The following ACTN3 variants were observed in gnomAD, a reference collection of about 807,000 sequenced individuals.
ACTN3 encodes the protein alpha-actinin-3.
ACTN3 carries 91 observed loss-of-function variants against 119.6 expected under a neutral mutation model. The ratio of observed to expected loss-of-function variants is 0.76; its 90% confidence interval spans 0.64 to 0.91. ACTN3 has a LOEUF of 0.91. Among genes scored for constraint, ACTN3 ranks in the 40% least tolerant of loss-of-function variants. ACTN3 has a pLI of 0.00. For missense variants in ACTN3, 1,221 were observed against 1,215.1 expected (o/e 1.00, Z -0.07); for synonymous variants, 456 against 478.8 (o/e 0.95, Z 0.62).
At chr11:66,559,842 C>A in intron 12 of ACTN3, 126 bp from the exon 13 acceptor site, 1 of 962,244 alleles carries the variant, frequency 1.0e-6, no homozygotes, top group Non-Finnish European at 1.6e-6. Flanking sequence ...CCCAGCTTTA[C>A]CCACCACCTG....
At chr11:66,562,616 T>C in intron 19 of ACTN3, 180 bp from the exon 20 acceptor site, 1 of 279,682 alleles carries the variant, frequency 3.6e-6, no homozygotes, top group Non-Finnish European at 5.4e-6. Context: ...GTGGGTAGGA[T>C]GCAGATTTCA....
intron 2 of ACTN3, 37 bp from the exon 3 acceptor site, chr11:66,551,491 A>T: frequency 6.2e-7 from 1 of 1,605,046 alleles, no homozygotes; most frequent in Non-Finnish European, 8.5e-7. Flanking sequence ...GCTGCCTCTC[A>T]TGACCTTTGG....
rs762487347 is a variant in ACTN3, at chr11:66,551,344, G to A, written c.253G>A (p.Val85Ile). 4.7e-5 allele frequency: 75 copies of A among 1,603,944 alleles called. No homozygotes were observed. Among genetic ancestry groups the A allele is most frequent in the Middle Eastern group, 1.6e-4 (1 of 6,070 alleles). The change falls in exon 2 of 21, where the codon GTC becomes ATC. Residue 85 changes from valine (V) to isoleucine (I), a missense_variant. Around this residue, in one of 3 missense-constraint regions of ACTN3, gnomAD observed 239 missense variants for 231.8 expected, o/e 1.03. Coordinates refer to ENST00000513398, the MANE Select transcript of ACTN3 (RefSeq NM_001104.4). ...CCTCAAACTCATGCTGCTCCTGGAG[G>A]TCATTTCAGGTGAGGATGGCAAATC... ...NGLKLMLLLEVISGERLPRPD... is the reference protein window; with the variant it reads ...NGLKLMLLLEIISGERLPRPD...
In ACTN3 at chr11:66,561,321, A is replaced by G. The variant is rs1857756431; in HGVS notation, c.1955A>G (p.Gln652Arg). 1.9e-6 allele frequency: 3 copies of G among 1,611,760 alleles called. No homozygotes were observed. Among genetic ancestry groups the G allele is most frequent in the Non-Finnish European group, 2.5e-6 (3 of 1,179,266 alleles). Residue 652 changes from glutamine (Q) to arginine (R), a missense_variant, in exon 16 of 21, where the codon CAG becomes CGG. Transcript: ENST00000513398. ...AGGCTCCGGCGACAGTTTGCGGCCC[A>G]GGCCAATGCCATTGGACCCTGGATC... ...NERLRRQFAA[Q>R]ANAIGPWIQA... is the part of the protein sequence containing the mutation.
At chr11:66,548,724 A>G (rs1159076662) in intron 1 of ACTN3, among the ~76,000 whole-genome samples, 5 of 152,126 alleles carry the variant, frequency 3.3e-5, no homozygotes, top group Middle Eastern at 6.8e-3. Context: ...ACAGTCTTGG[A>G]GCAGCACGCT....
chr11:66,552,606 C>T (rs1231221402), intron 3 of ACTN3, among the ~76,000 whole-genome samples: 5 of 151,878 alleles, frequency 3.3e-5, no homozygotes, highest in South Asian at 2.1e-4. Context: ...CCTGTATTCT[C>T]GCACTTTGGG....
At position 66,562,138 on chromosome 11, in the gene ACTN3, G is replaced by C. The variant is rs1857790629; in HGVS notation, c.2292G>C (p.Glu764Asp). The C allele has an allele frequency of 1.2e-6, 2 of 1,614,098 alleles. No homozygotes were observed. The highest frequency in any genetic ancestry group is 1.3e-5 in the African/African-American group (1 of 75,054). ...GACTGAGCCAGGAGCAGCTCAACGA[G>C]TTCCGAGCATCCTTCAACCACTTTG... ...AKGLSQEQLNEFRASFNHFDR... is the reference protein window; with the variant it reads ...AKGLSQEQLNDFRASFNHFDR... Residue 764 changes from glutamate to aspartate, a missense_variant, in exon 18 of 21, where the codon GAG (glutamate) becomes GAC (aspartate). Physicochemically the swap from Glu to Asp is conservative, Grantham distance 45. This residue lies in a region of ACTN3 where 934 missense variants were observed against 899.9 expected (regional missense o/e 1.04). Coordinates refer to ENST00000513398, the MANE Select transcript of ACTN3 (RefSeq NM_001104.4).
chr11:66,548,893 C>T (rs1417803933), intron 1 of ACTN3, among the ~76,000 whole-genome samples: 2 of 152,232 alleles, frequency 1.3e-5, no homozygotes, highest in Admixed American at 6.5e-5. Flanking sequence ...CACCCTTCCT[C>T]TCTTGCCCTG....
chr11:66,551,032 A>G (rs924317907), intron 1 of ACTN3: 1 of 671,988 alleles, frequency 1.5e-6, no homozygotes, highest in Admixed American at 2.0e-5. Context: ...TGGGTCACAG[A>G]CCCCATTTCT....
chr11:66,557,576 C>T (rs981196033), intron 9 of ACTN3, 123 bp from the exon 10 acceptor site: 179 of 996,898 alleles, frequency 1.8e-4, no homozygotes, highest in Admixed American at 1.5e-3. Flanking sequence ...ATCCTGCTTT[C>T]GTAGTTGTCA....
Position 66,560,031 on chromosome 11 carries a change from G to A in ACTN3, c.1491G>A (p.Trp497Ter). The change falls in exon 13 of 21, where the codon TGG becomes TGA. Residue 497 changes from tryptophan to a stop codon, truncating the protein, a stop_gained. Transcript: ENST00000513398. LOFTEE classifies it high-confidence loss of function. ...GCTGCCAGGCCATCTGCGATCAGTGGGACAACCTGGGCACCCTGACCCAGA... is the reference window on the plus strand; with the variant it reads ...GCTGCCAGGCCATCTGCGATCAGTGAGACAACCTGGGCACCCTGACCCAGA... ...NSRCQAICDQ[W>*]DNLGTLTQKR... 1 of 1,604,960 alleles carries A rather than the reference G, an allele frequency of 6.2e-7. No individual in the cohort carries two copies. The highest frequency in any genetic ancestry group is 8.5e-7 in the Non-Finnish European group (1 of 1,177,316).
chr11:66,554,027 C>T lies in ACTN3; in HGVS notation c.383-18C>T. 1 of 1,612,346 alleles carries T rather than the reference C, an allele frequency of 6.2e-7. No homozygotes were observed. Among genetic ancestry groups the T allele is most frequent in the East Asian group, 2.2e-5 (1 of 44,828 alleles). On this transcript the variant is annotated intron_variant, in intron 3 of 20. Transcript: ENST00000513398. ...CTTGAATGCCAGGCAAATCTGTCCC[C>T]TGACCCCTGCCCTGCAGAGATTGTT... is the stretch of plus-strand genomic sequence containing the variant.
chr11:66,558,046 G>T lies in ACTN3; in HGVS notation c.1148G>T (p.Arg383Leu), dbSNP rs369005221. ...CCACAGGACATCGCCAACGCCTGGCGGGGGCTGGAGCAGGTGGAAAAGGGC... is the reference window on the plus strand; with the variant it reads ...CCACAGGACATCGCCAACGCCTGGCTGGGGCTGGAGCAGGTGGAAAAGGGC... ...KLVSDIANAW[R>L]GLEQVEKGYE... Residue 383 changes from arginine to leucine, a missense_variant, in exon 11 of 21, where the codon CGG (arginine) becomes CTG (leucine). Coordinates refer to ENST00000513398, the MANE Select transcript of ACTN3 (RefSeq NM_001104.4). 6.2e-7 allele frequency: 1 copy of T among 1,613,792 alleles called. No homozygotes were observed. The highest frequency in any genetic ancestry group is 8.5e-7 in the Non-Finnish European group (1 of 1,179,836).
rs746992348 is a variant in ACTN3 at position 66,560,025 on chromosome 11, T to C, written c.1485T>C (p.Asp495=). ...ATAGCCGCTGCCAGGCCATCTGCGA[T>C]CAGTGGGACAACCTGGGCACCCTGA... ...SVNSRCQAIC[D]QWDNLGTLTQ... The change falls in exon 13 of 21, where the codon GAT becomes GAC. Residue 495 remains aspartate, a synonymous_variant. Coordinates refer to ENST00000513398, the MANE Select transcript of ACTN3 (RefSeq NM_001104.4). 5 of 1,605,146 alleles carry C rather than the reference T, an allele frequency of 3.1e-6. No individual in the cohort carries two copies. In the Admixed American group the frequency reaches 6.7e-5, roughly 22 times the overall value.
chr11:66,560,213 G>A lies in ACTN3; in HGVS notation c.1579G>A (p.Glu527Lys), dbSNP rs1436717485. The A allele has an allele frequency of 2.5e-6, 4 of 1,611,504 alleles. No homozygotes were observed. The highest frequency in any genetic ancestry group is 3.4e-6 in the Non-Finnish European group (4 of 1,178,882). ...GGAGACCATTGACCGGCTGCAACTG[G>A]AGTTTGCCCGGCGGGCCGCGCCCTT... Reference protein sequence around the residue: ...LLETIDRLQLEFARRAAPFNN... With the variant: ...LLETIDRLQLKFARRAAPFNN... The change falls in exon 14 of 21, where the codon GAG (glutamate) becomes AAG (lysine). Residue 527 changes from glutamate to lysine, a missense_variant. This residue lies in a region of ACTN3 where 934 missense variants were observed against 899.9 expected (regional missense o/e 1.04). Transcript: ENST00000513398.
chr11:66,560,625 G>T lies in ACTN3; in HGVS notation c.1730G>T (p.Arg577Leu), dbSNP rs781859126. The T allele has an allele frequency of 1.2e-6, 2 of 1,613,650 alleles. No individual in the cohort carries two copies. The highest frequency in any genetic ancestry group is 2.7e-5 in the African/African-American group (2 of 74,932). Reference protein sequence around the residue: ...QFKATLPEADRERGAIMGIQG... With the variant: ...QFKATLPEADLERGAIMGIQG... ...AAGGCAACACTGCCCGAGGCTGACC[G>T]AGAGCGAGGTGCCATCATGGGCATC... is the stretch of plus-strand genomic sequence containing the variant. Residue 577 changes from arginine to leucine, a missense_variant, in exon 15 of 21, where the codon CGA becomes CTA. Transcript: ENST00000513398.
Position 66,547,059 on chromosome 11 carries a change from C to G in ACTN3, c.122C>G (p.Pro41Arg). ...TGGGACCGCGACCTGCTGCTGGACCCGGCCTGGGAGAAGCAGCAGCGGAAA... is the reference window on the plus strand; with the variant it reads ...TGGGACCGCGACCTGCTGCTGGACCGGGCCTGGGAGAAGCAGCAGCGGAAA... ...EDWDRDLLLD[P>R]AWEKQQRKTF... Residue 41 changes from proline to arginine, a missense_variant, in exon 1 of 21, where the codon CCG becomes CGG. Around this residue, in one of 3 missense-constraint regions of ACTN3, gnomAD observed 239 missense variants for 231.8 expected, o/e 1.03. Transcript: ENST00000513398. 3 of 1,508,820 alleles carry G rather than the reference C, an allele frequency of 2.0e-6. No homozygotes were observed. Among genetic ancestry groups the G allele is most frequent in the Non-Finnish European group, 2.7e-6 (3 of 1,130,340 alleles). The allele number at this position is 1,508,820 out of a possible 1,614,324, so 93.5% of individuals were successfully genotyped here.
rs535878047 is a variant in ACTN3 at position 66,563,102 on chromosome 11, G to C, written c.2615G>C (p.Arg872Pro). The change falls in exon 21 of 21, where the codon CGT becomes CCT. Residue 872 changes from arginine (R) to proline (P), a missense_variant. By Grantham distance (103) the Arg-to-Pro change is moderately radical. This residue lies in a region of ACTN3 where 934 missense variants were observed against 899.9 expected (regional missense o/e 1.04). Coordinates refer to ENST00000513398, the MANE Select transcript of ACTN3 (RefSeq NM_001104.4). ...PAKQAEYCIRRMVPYKGSGAP... is the reference protein window; with the variant it reads ...PAKQAEYCIRPMVPYKGSGAP... ...AAGCAGGCCGAGTACTGCATCCGCCGTATGGTGCCCTACAAGGGATCCGGG... is the reference window on the plus strand; with the variant it reads ...AAGCAGGCCGAGTACTGCATCCGCCCTATGGTGCCCTACAAGGGATCCGGG... 2 of 1,613,362 alleles carry C rather than the reference G, an allele frequency of 1.2e-6. No individual in the cohort carries two copies. The highest frequency in any genetic ancestry group is 1.7e-6 in the Non-Finnish European group (2 of 1,179,766).
chr11:66,563,326 C>A lies in ACTN3; in HGVS notation c.*133C>A. The A allele has an allele frequency of 8.8e-7, 1 of 1,131,664 alleles. No individual in the cohort carries two copies. Among genetic ancestry groups the A allele is most frequent in the Non-Finnish European group, 1.2e-6 (1 of 834,806 alleles). 70.1% of individuals were successfully genotyped at this position (1,131,664 alleles called of 1,614,324 possible). A position where few individuals can be genotyped will look rare whatever the true frequency, so the allele number is the denominator to read the frequency against. On this transcript the variant is annotated 3_prime_UTR_variant, in exon 21 of 21. Transcript: ENST00000513398. ...TCTGAATAAAGATCCCTCTCTGGGT[C>A]TCTCCCCATCTCCTTTTAGTTCCTG...
Sources: gnomAD v4.1 joint callset for allele counts (sites outside exome capture counted in the v4.1 genomes callset) on GRCh38, gnomAD v4.1.1 for gene constraint, gnomAD v4.1.1 regional missense constraint, MANE v1.5 for transcripts, NCBI Gene and HGNC (gene_info 2026-07-23, HGNC 2026-07-21) for gene names.